Variants in CHD1 observed in about 807,000 individuals in gnomAD.
The protein encoded by CHD1 is chromodomain helicase DNA binding protein 1.
In CHD1, 36 loss-of-function variants were observed where a neutral mutation model predicts 224.2. The ratio of observed to expected loss-of-function variants is 0.16; its 90% CI spans 0.12 to 0.21. CHD1 has a LOEUF of 0.21. CHD1 is among the 10% of genes least tolerant of loss of function. The probability of loss-of-function intolerance (pLI) is 1.00; values close to 1 mark genes in which losing one functional copy is unlikely to be tolerated. For synonymous variants in CHD1, 668 were observed against 658.3 expected (o/e 1.01, Z -0.23); for missense variants, 1,378 against 1,994.8 (o/e 0.69, Z 5.89).
chr5:98,915,126 A>G (rs1397619744), intron 2 of CHD1, among the ~76,000 whole-genome samples: 1 of 152,236 alleles, frequency 6.6e-6, no homozygotes, highest in Admixed American at 6.5e-5. Flanking sequence ...TGAAGTATAC[A>G]CACACATAAA....
At chr5:98,881,224 A>G (rs1241928071) in intron 21 of CHD1, 53 bp from the exon 22 acceptor site, 2 of 1,419,042 alleles carry the variant, frequency 1.4e-6, no homozygotes, top group Admixed American at 2.3e-5. Context: ...CATCCTGTCA[A>G]ATATATGACA....
Position 98,917,299 on chromosome 5 carries a change from C to CCAAAAAAAAAAA in CHD1, c.53+9034_53+9035insTTTTTTTTTTTG, listed in dbSNP as rs775841258. Among the ~76,000 whole-genome samples, 49 of 119,844 alleles carry CCAAAAAAAAAAA rather than the reference C, an allele frequency of 4.1e-4. 3 individuals carry two copies. Among genetic ancestry groups the CCAAAAAAAAAAA allele is most frequent in the South Asian group, 3.0e-3 (10 of 3,382 alleles). 78.6% of individuals were successfully genotyped at this position (119,844 alleles called of 152,430 possible). ...GCCCATCCCTCCAAAAACAAAGAAA[C>CCAAAAAAAAAAA]AAAAAAAAAAAACAACCTCTTAATT... On this transcript the variant is annotated intron_variant, in intron 2 of 35. Coordinates refer to ENST00000614616, the MANE Select transcript of CHD1 (RefSeq NM_001270.4).
intron 30 of CHD1, 36 bp from the exon 31 acceptor site, chr5:98,868,671 C>T (rs370531944): frequency 6.6e-7 from 1 of 1,505,812 alleles, no homozygotes; most frequent in African/African-American, 1.4e-5. Context: ...AAAACAAAAC[C>T]CCAATAGCAA....
intron 29 of CHD1, 47 bp from the exon 30 acceptor site, chr5:98,869,929 T>A (rs750718232): frequency 1.4e-6 from 2 of 1,436,658 alleles, no homozygotes; most frequent in South Asian, 2.5e-5. Flanking sequence ...GATTTCATTT[T>A]TAAAAACTTC....
At chr5:98,888,464 G>A (rs1034697350) in intron 16 of CHD1, among the ~76,000 whole-genome samples, 2 of 151,992 alleles carry the variant, frequency 1.3e-5, no homozygotes, top group East Asian at 3.8e-4. Context: ...TTATACTATC[G>A]GGGAGGAAAA....
At chr5:98,860,173 C>A (rs554050129) in intron 32 of CHD1, 105 bp from the exon 33 acceptor site, 66 of 701,804 alleles carry the variant, frequency 9.4e-5, no homozygotes, top group Non-Finnish European at 1.4e-4. Context: ...TACACATACA[C>A]AGCCCTCTAT....
intron 13 of CHD1, among the ~76,000 whole-genome samples, chr5:98,894,129 T>C (rs1751198233): frequency 6.6e-6 from 1 of 152,230 alleles, no homozygotes; most frequent in Admixed American, 6.5e-5. Context: ...TGAGACATTT[T>C]TGAGACTGAT....
intron 29 of CHD1, 43 bp downstream of exon 29, chr5:98,870,644 A>C (rs754245855): frequency 8.8e-7 from 1 of 1,131,280 alleles, no homozygotes; most frequent in Admixed American, 2.3e-5. Flanking sequence ...AATTTACCTT[A>C]CTAAAAAGTA....
chr5:98,900,794 G>C lies in CHD1; in HGVS notation c.859+17C>G. ...TTATTTAAATAACCAAACAATAAAT[G>C]GTTTTTTAAAAACTACCTCCTTTTC... On this transcript the variant is annotated intron_variant, in intron 7 of 35. Coordinates refer to ENST00000614616, the MANE Select transcript of CHD1 (RefSeq NM_001270.4). 2 of 1,597,858 alleles carry C rather than the reference G, an allele frequency of 1.3e-6. No homozygotes were observed. Among genetic ancestry groups the C allele is most frequent in the African/African-American group, 1.4e-5 (1 of 73,984 alleles).
At chr5:98,885,536 TA>T (rs750914227) in intron 18 of CHD1, 41 bp downstream of exon 18, 3 of 1,194,300 alleles carry the variant, frequency 2.5e-6, no homozygotes, top group Admixed American at 4.1e-5. Context: ...ATACTGATAC[TA>T]AATCAAAATT....
intron 2 of CHD1, among the ~76,000 whole-genome samples, chr5:98,921,393 T>TAAATGTATATGAACTTAATAC (rs1219481429): frequency 6.6e-6 from 1 of 152,206 alleles, no homozygotes; most frequent in Non-Finnish European, 1.5e-5. Context: ...TAGCTTCATA[T>TAAATGTATATGAACTTAATAC]AAATGTATAT....
intron 27 of CHD1, 105 bp downstream of exon 27, chr5:98,872,312 C>CT (rs1018912981): frequency 0.014 from 16,814 of 1,231,414 alleles, 1 homozygote; most frequent in South Asian, 0.016. Flanking sequence ...TTATTTCTTC[C>CT]TTTTTTTTTT....
chr5:98,856,048 C>A lies in CHD1; in HGVS notation c.*332G>T. 1 of 171,644 alleles carries A rather than the reference C, an allele frequency of 5.8e-6. No individual in the cohort carries two copies. The allele number at this position is 171,644 out of a possible 1,614,324, so 10.6% of individuals were successfully genotyped here. A position where few individuals can be genotyped will look rare whatever the true frequency, so the allele number is the denominator to read the frequency against. On this transcript the variant is annotated 3_prime_UTR_variant, in exon 36 of 36. Coordinates refer to ENST00000614616, the MANE Select transcript of CHD1 (RefSeq NM_001270.4). ...ATATAAACATAATTTAAATGGAGGT[C>A]AGTCTAAAATCACTGACTTAAAAAC...
chr5:98,901,149 T>C, intron 6 of CHD1, 37 bp downstream of exon 6: 2 of 1,586,722 alleles, frequency 1.3e-6, no homozygotes, highest in Non-Finnish European at 1.7e-6. Context: ...ACAAATACTT[T>C]CCACAATCAA....
chr5:98,861,646 C>A (rs1045606519), intron 32 of CHD1, among the ~76,000 whole-genome samples: 1 of 151,612 alleles, frequency 6.6e-6, no homozygotes, highest in Admixed American at 6.6e-5. Flanking sequence ...GTTCTACAGG[C>A]ACATGCCACC....
Position 98,869,713 on chromosome 5 carries a change from C to CT in CHD1, c.4107+40dup, listed in dbSNP as rs753940716. On this transcript the variant is annotated intron_variant, in intron 30 of 35. Coordinates refer to ENST00000614616, the MANE Select transcript of CHD1 (RefSeq NM_001270.4). ...AGTACACAAAAACATGCCATATTCCCTTTCCATAGAAAAGGTTGTTGTTCT... is the reference window on the plus strand; with the variant it reads ...AGTACACAAAAACATGCCATATTCCCTTTTCCATAGAAAAGGTTGTTGTTCT... 2.4e-5 allele frequency: 39 copies of CT among 1,602,436 alleles called. No homozygotes were observed. The African/African-American group carries it at 4.4e-4, about 18-fold the overall frequency.
intron 30 of CHD1, 46 bp downstream of exon 30, chr5:98,869,708 A>G: frequency 6.3e-7 from 1 of 1,597,356 alleles, no homozygotes; most frequent in South Asian, 1.1e-5. Context: ...AACATGCCAT[A>G]TTCCCTTTCC....
At chr5:98,867,796 T>C (rs138126386) in intron 31 of CHD1, among the ~76,000 whole-genome samples, 1 of 21,778 alleles carries the variant, frequency 4.6e-5, no homozygotes, top group South Asian at 1.2e-3. Flanking sequence ...ATCTTCCTTG[T>C]TTTTTTTTTT....
At chr5:98,906,950 A>C (rs556753423) in intron 2 of CHD1, among the ~76,000 whole-genome samples, 2 of 152,350 alleles carry the variant, frequency 1.3e-5, no homozygotes, top group South Asian at 4.1e-4. Flanking sequence ...AATACCTAGC[A>C]GAGTGCCTCA....
Sources: allele counts gnomAD v4.1 joint callset (sites outside exome capture counted in the v4.1 genomes callset), GRCh38; gene constraint gnomAD v4.1.1; transcripts MANE v1.5; gene names NCBI Gene and HGNC (gene_info 2026-07-23, HGNC 2026-07-21).